The following KRT36 variants were observed in gnomAD, a reference collection of about 807,000 sequenced individuals.
KRT36 encodes the protein keratin, type I cuticular Ha6.
Under a neutral mutation model 43.0 loss-of-function variants are expected in KRT36, and 41 were observed. The observed-to-expected ratio is 0.95, with a 90% CI of 0.74 to 1.24. KRT36 has a LOEUF of 1.24. Among genes scored for constraint, KRT36 ranks in the 50% most tolerant of loss-of-function variants. The pLI is 0.00. For synonymous variants in KRT36, 277 were observed against 252.9 expected, an observed-to-expected ratio of 1.10 and a Z score of -0.90; for missense variants, 627 against 595.3, an observed-to-expected ratio of 1.05 and a Z score of -0.55.
At position 41,486,931 on chromosome 17, in the gene KRT36, C is replaced by G. The variant is rs1234900874; in HGVS notation, c.1208+19G>C. On this transcript the variant is annotated intron_variant, in intron 6 of 6. Transcript: ENST00000328119. ...CTGAGGGTTCAGTCAAGCCCTACCC[C>G]AGCCCAAGGGCCACTCACTTGCAGT... 3.7e-6 allele frequency: 6 copies of G among 1,606,452 alleles called. No individual in the cohort carries two copies. The highest frequency in any genetic ancestry group is 4.2e-6 in the Non-Finnish European group (5 of 1,177,334).
At position 41,486,273 on chromosome 17, in the gene KRT36, G is replaced by A. The variant is rs537830816; in HGVS notation, c.*103C>T. 7.8e-6 allele frequency: 7 copies of A among 899,850 alleles called. No individual in the cohort carries two copies. The East Asian group carries it at 1.6e-4, about 20-fold the overall frequency. The allele number at this position is 899,850 out of a possible 1,614,324, so 55.7% of individuals were successfully genotyped here. A position where few individuals can be genotyped will look rare whatever the true frequency, so the allele number is the denominator to read the frequency against. ...TGGTAGAAAAACCTGCTAAGCGTAG[G>A]GGGACCCCTCTAGAGAAGGGCAGGG... On this transcript the variant is annotated 3_prime_UTR_variant, in exon 7 of 7. Transcript: ENST00000328119.
chr17:41,488,476 C>G, intron 2 of KRT36, 77 bp from the exon 3 acceptor site: 1 of 1,567,396 alleles, frequency 6.4e-7, no homozygotes, highest in Non-Finnish European at 8.7e-7. Context: ...TACTGTCCAG[C>G]TGCAGTGGCT....
intron 3 of KRT36, among the ~76,000 whole-genome samples, 164 bp from the exon 4 acceptor site, chr17:41,487,901 C>T (rs1349805128): frequency 6.6e-6 from 1 of 152,208 alleles, no homozygotes; most frequent in Non-Finnish European, 1.5e-5. Context: ...TATATACCTA[C>T]CTCCTTCTAT....
In KRT36 at chr17:41,489,676, C is replaced by T. The variant is rs765892890; in HGVS notation, c.189G>A (p.Leu63=). Reference sequence around the variant, plus strand: ...ACTCAGAAGACAGGTAGGAGCCAGGCAAGCAGCTCCCAAGGCCAGAGAGGC... The same window carrying T: ...ACTCAGAAGACAGGTAGGAGCCAGGTAAGCAGCTCCCAAGGCCAGAGAGGC... The part of the protein sequence containing the change: ...RSGLSGLGSC[L]PGSYLSSECH... Residue 63 remains leucine, a synonymous_variant, in exon 1 of 7, where the codon TTG becomes TTA. Transcript: ENST00000328119. 16 of 1,614,192 alleles carry T rather than the reference C, an allele frequency of 9.9e-6. No homozygotes were observed. Among genetic ancestry groups the T allele is most frequent in the Non-Finnish European group, 1.1e-5 (13 of 1,180,036 alleles).
chr17:41,486,740 T>C (rs538262034), intron 6 of KRT36, among the ~76,000 whole-genome samples, 169 bp from the exon 7 acceptor site: 2 of 152,258 alleles, frequency 1.3e-5, no homozygotes, highest in African/African-American at 4.8e-5. Flanking sequence ...GAGCAGAAAC[T>C]GCCAATCAGA....
At position 41,488,704 on chromosome 17, in the gene KRT36, C is replaced by T; in HGVS notation, c.480G>A (p.Glu160=). The change falls in exon 2 of 7, where the codon GAG becomes GAA. Residue 160 remains glutamate (E), a synonymous_variant. Transcript: ENST00000328119. The stretch of plus-strand genomic sequence containing the variant: ...CAATCTGCAGGACCAGCCTGGCATT[C>T]TCAGACTTAGTCAGCAGGATCTGGG... ...FQQKILLTKS[E]NARLVLQIDN... 1 of 1,614,158 alleles carries T rather than the reference C, an allele frequency of 6.2e-7. No individual in the cohort carries two copies. The highest frequency in any genetic ancestry group is 8.5e-7 in the Non-Finnish European group (1 of 1,180,020).
At chr17:41,487,219 C>T (rs1363288523) in intron 5 of KRT36, 49 bp from the exon 6 acceptor site, 1 of 1,585,812 alleles carries the variant, frequency 6.3e-7, no homozygotes, top group South Asian at 1.2e-5. Flanking sequence ...AATCCCCTGA[C>T]CCCAGAAACC....
rs1904473326 is a variant in KRT36 at position 41,488,634 on chromosome 17, C to T, written c.542+8G>A. 6.2e-7 allele frequency: 1 copy of T among 1,613,718 alleles called. No homozygotes were observed. Among genetic ancestry groups the T allele is most frequent in the African/African-American group, 1.3e-5 (1 of 75,044 alleles). On this transcript the variant is annotated splice_region_variant and intron_variant, in intron 2 of 6. Transcript: ENST00000328119. ...CATGGCAAACCTTCCCTGATCAGGC[C>T]CACTCACTTGGTCCGGAAGTCGTCA... is the stretch of plus-strand genomic sequence containing the variant.
rs763520842 is a variant in KRT36, at chr17:41,486,175, A to G, written c.*201T>C. ...CCAGGAGAACACACTTTATTGGGTA[A>G]ATTTCCAGGAAACCTGGTTTTGCAT... On this transcript the variant is annotated 3_prime_UTR_variant, in exon 7 of 7. Coordinates refer to ENST00000328119, the MANE Select transcript of KRT36 (RefSeq NM_003771.5). The G allele has an allele frequency of 3.5e-6, 2 of 568,354 alleles. No homozygotes were observed. Among genetic ancestry groups the G allele is most frequent in the Non-Finnish European group, 6.2e-6 (2 of 321,576 alleles). The allele number at this position is 568,354 out of a possible 1,614,324, so 35.2% of individuals were successfully genotyped here.
chr17:41,487,060 G>T lies in KRT36; in HGVS notation c.1098C>A (p.Arg366=), dbSNP rs781194961. 2.2e-5 allele frequency: 36 copies of T among 1,614,104 alleles called. No homozygotes were observed. The Admixed American group carries it at 6.0e-4, about 27-fold the overall frequency. ...SNVEAQLSEI[R]CDLERQNQEY... is the part of the protein sequence containing the mutation. ...CCTGGTTCTGCCGCTCCAGGTCGCA[G>T]CGGATCTCAGACAGCTGGGCCTCCA... Residue 366 remains arginine (R), a synonymous_variant, in exon 6 of 7, where the codon CGC becomes CGA. Transcript: ENST00000328119.
rs764310259 is a variant in KRT36, at chr17:41,489,508, C to T, written c.357G>A (p.Ala119=). 6.2e-6 allele frequency: 10 copies of T among 1,614,090 alleles called. No individual in the cohort carries two copies. Among genetic ancestry groups the T allele is most frequent in the South Asian group, 4.4e-5 (4 of 91,092 alleles). ...ACTCCTGGATGCGGCTCTCCAGCTC[C>T]GCGTTCTCCCGCTCCAGCTGACGCA... is the stretch of plus-strand genomic sequence containing the variant. ...EKVRQLEREN[A]ELESRIQEWY... Residue 119 remains alanine (A), a synonymous_variant, in exon 1 of 7, where the codon GCG becomes GCA. Coordinates refer to ENST00000328119, the MANE Select transcript of KRT36 (RefSeq NM_003771.5).
At chr17:41,488,818 T>A in intron 1 of KRT36, 94 bp from the exon 2 acceptor site, 1 of 1,033,250 alleles carries the variant, frequency 9.7e-7, no homozygotes, top group Middle Eastern at 2.1e-4. Flanking sequence ...CATGCCACTG[T>A]GTACCACCAG....
chr17:41,489,605 C>G lies in KRT36; in HGVS notation c.260G>C (p.Gly87Ala). The change falls in exon 1 of 7, where the codon GGC (glycine) becomes GCC (alanine). Residue 87 changes from glycine (G) to alanine (A), a missense_variant. By Grantham distance (60) the Gly-to-Ala change is moderately conservative. Coordinates refer to ENST00000328119, the MANE Select transcript of KRT36 (RefSeq NM_003771.5). ...CTCCTTCTCGCTGCCGTTGAAGGAG[C>G]CCTCGCAGAACCAGCCCCCGCTCCC... The part of the protein sequence containing the change: ...FVGSGGWFCE[G>A]SFNGSEKETM... 6.2e-7 allele frequency: 1 copy of G among 1,614,166 alleles called. No homozygotes were observed. Among genetic ancestry groups the G allele is most frequent in the Non-Finnish European group, 8.5e-7 (1 of 1,180,040 alleles).
At position 41,489,627 on chromosome 17, in the gene KRT36, T is replaced by TC. The variant is rs1904508079; in HGVS notation, c.237dup (p.Ser80GlufsTer79). 3.7e-6 allele frequency: 6 copies of TC among 1,613,836 alleles called. No homozygotes were observed. Among genetic ancestry groups the TC allele is most frequent in the Non-Finnish European group, 4.2e-6 (5 of 1,180,016 alleles). On this transcript the variant is annotated frameshift_variant, in exon 1 of 7. Coordinates refer to ENST00000328119, the MANE Select transcript of KRT36 (RefSeq NM_003771.5). LOFTEE classifies it high-confidence loss of function. ...GAGCCCTCGCAGAACCAGCCCCCGC[T>TC]CCCCACAAAGCCAGAGGTGTGGCAC... is the stretch of plus-strand genomic sequence containing the variant.
At position 41,487,377 on chromosome 17, in the gene KRT36, T is replaced by C. The variant is rs774259765; in HGVS notation, c.961A>G (p.Ile321Val). The change falls in exon 5 of 7, where the codon ATT becomes GTT. Residue 321 changes from isoleucine to valine, a missense_variant. Transcript: ENST00000328119. Reference sequence around the variant, plus strand: ...ATGCTGTGCTGAGCCTGCAGCTCAATCTCTAGCGCGTTGACCGTACGTCTC... The same window carrying C: ...ATGCTGTGCTGAGCCTGCAGCTCAACCTCTAGCGCGTTGACCGTACGTCTC... ...ELRRTVNALE[I>V]ELQAQHSMRN... The C allele has an allele frequency of 9.3e-6, 15 of 1,612,698 alleles. No individual in the cohort carries two copies. The Admixed American group carries it at 2.3e-4, about 25-fold the overall frequency.
At position 41,489,767 on chromosome 17, in the gene KRT36, G is replaced by A; in HGVS notation, c.98C>T (p.Ser33Phe). The change falls in exon 1 of 7, where the codon TCT becomes TTT. Residue 33 changes from serine (S) to phenylalanine (F), a missense_variant. By Grantham distance (155) the Ser-to-Phe change is radical (BLOSUM62 -2). Coordinates refer to ENST00000328119, the MANE Select transcript of KRT36 (RefSeq NM_003771.5). ...ACTGGGGACCCTGCAGGAGCCCACA[G>A]AACGGATGGAGGACACCCGAGAGAT... ...GGISRVSSIRSVGSCRVPSLA... is the reference protein window; with the variant it reads ...GGISRVSSIRFVGSCRVPSLA... The A allele has an allele frequency of 2.5e-6, 4 of 1,613,984 alleles. No homozygotes were observed. Among genetic ancestry groups the A allele is most frequent in the Non-Finnish European group, 3.4e-6 (4 of 1,179,982 alleles).
Position 41,489,617 on chromosome 17 carries a change from C to A in KRT36, c.248G>T (p.Trp83Leu). 6.2e-7 allele frequency: 1 copy of A among 1,614,176 alleles called. No homozygotes were observed. The highest frequency in any genetic ancestry group is 8.5e-7 in the Non-Finnish European group (1 of 1,180,042). The change falls in exon 1 of 7, where the codon TGG becomes TTG. Residue 83 changes from tryptophan to leucine, a missense_variant. Transcript: ENST00000328119. Reference protein sequence around the residue: ...HTSGFVGSGGWFCEGSFNGSE... With the variant: ...HTSGFVGSGGLFCEGSFNGSE... ...GCCGTTGAAGGAGCCCTCGCAGAACCAGCCCCCGCTCCCCACAAAGCCAGA... is the reference window on the plus strand; with the variant it reads ...GCCGTTGAAGGAGCCCTCGCAGAACAAGCCCCCGCTCCCCACAAAGCCAGA...
chr17:41,486,438 C>T lies in KRT36; in HGVS notation c.1342G>A (p.Glu448Lys), dbSNP rs761095872. The T allele has an allele frequency of 1.2e-6, 2 of 1,613,966 alleles. No individual in the cohort carries two copies. Among genetic ancestry groups the T allele is most frequent in the Admixed American group, 1.7e-5 (1 of 59,994 alleles). The change falls in exon 7 of 7, where the codon GAG (glutamate) becomes AAG (lysine). Residue 448 changes from glutamate (E) to lysine (K), a missense_variant. Physicochemically the swap from Glu to Lys is moderately conservative, Grantham distance 56 (BLOSUM62 1). Transcript: ENST00000328119. ...QVGTQIRTIT[E>K]EIRDGKVISS... ...ATGACTTTCCCATCTCTGATCTCCT[C>T]GGTGATGGTGCGGATCTGAGTGCCA...
At position 41,486,399 on chromosome 17, in the gene KRT36, GC is replaced by G; in HGVS notation, c.1380del (p.Glu460AspfsTer62). 7 of 1,613,954 alleles carry G rather than the reference GC, an allele frequency of 4.3e-6. No individual in the cohort carries two copies. Among genetic ancestry groups the G allele is most frequent in the Non-Finnish European group, 5.9e-6 (7 of 1,179,966 alleles). ...TGTCACAGCGGGCGGGACTGCACGT[GC>G]TCCCTGGAGGAGATGACTTTCCCAT... The part of the protein sequence containing the change: ...IRDGKVISSR[E>X]HVQSRPL On this transcript the variant is annotated frameshift_variant, in exon 7 of 7. Coordinates refer to ENST00000328119, the MANE Select transcript of KRT36 (RefSeq NM_003771.5). LOFTEE classifies it high-confidence loss of function.
Sources: allele counts gnomAD v4.1 joint callset (sites outside exome capture counted in the v4.1 genomes callset), GRCh38; gene constraint gnomAD v4.1.1; transcripts MANE v1.5; gene names NCBI Gene and HGNC (gene_info 2026-07-23, HGNC 2026-07-21).